Variants in FBN1 observed in about 807,000 individuals in gnomAD.
FBN1 encodes the protein fibrillin 1.
Under a neutral mutation model 365.1 loss-of-function variants are expected in FBN1, and 29 were observed. The observed-to-expected ratio is 0.08, with a 90% CI of 0.06 to 0.11. The LOEUF (loss-of-function observed/expected upper bound fraction) is 0.11, where lower values mean the gene tolerates loss of function less well. FBN1 is among the 10% of genes least tolerant of loss of function. The pLI, the probability that FBN1 is intolerant of heterozygous loss-of-function variation, is 1.00. For missense variants in FBN1, 2,476 were observed against 3,703.2 expected, an observed-to-expected ratio of 0.67 and a Z score of 8.60; for synonymous variants, 1,210 against 1,270.5, an observed-to-expected ratio of 0.95 and a Z score of 1.01.
At chr15:48,522,280 T>A (rs1396642840) in intron 9 of FBN1, among the ~76,000 whole-genome samples, 1 of 152,064 alleles carries the variant, frequency 6.6e-6, no homozygotes, top group East Asian at 1.9e-4. Context: ...ATTAATTAAT[T>A]TAATACACTT....
At chr15:48,538,096 A>G (rs1389253469) in intron 6 of FBN1, among the ~76,000 whole-genome samples, 2 of 152,244 alleles carry the variant, frequency 1.3e-5, no homozygotes, top group Non-Finnish European at 2.9e-5. Context: ...GTGAATTGCT[A>G]TACAAATGTA....
At chr15:48,506,921 T>G (rs1423242833) in intron 15 of FBN1, among the ~76,000 whole-genome samples, 1 of 149,550 alleles carries the variant, frequency 6.7e-6, no homozygotes. Flanking sequence ...GCTGTGGAGC[T>G]CTCTCTCTCT....
intron 6 of FBN1, among the ~76,000 whole-genome samples, chr15:48,559,608 T>C (rs1293678130): frequency 1.3e-5 from 2 of 152,014 alleles, no homozygotes; most frequent in Admixed American, 6.6e-5. Flanking sequence ...AAGGAAACAG[T>C]GTAAATTCCC....
chr15:48,628,670 C>T (rs562537545), intron 2 of FBN1, among the ~76,000 whole-genome samples: 1 of 152,208 alleles, frequency 6.6e-6, no homozygotes, highest in Non-Finnish European at 1.5e-5. Context: ...AAAAATCAGA[C>T]CCAGCATATT....
intron 63 of FBN1, 32 bp from the exon 64 acceptor site, chr15:48,415,799 C>T (rs1339055470): frequency 1.3e-6 from 2 of 1,566,764 alleles, no homozygotes; most frequent in Admixed American, 1.7e-5. Context: ...GCATGTGTGG[C>T]AGCAGCCAGA....
At chr15:48,570,297 G>C (rs534775248) in intron 6 of FBN1, among the ~76,000 whole-genome samples, 5 of 152,124 alleles carry the variant, frequency 3.3e-5, no homozygotes, top group African/African-American at 9.6e-5. Flanking sequence ...TCAAACCTGC[G>C]GTTATGACCT....
chr15:48,524,422 T>C (rs1333874137), intron 9 of FBN1, among the ~76,000 whole-genome samples: 2 of 152,218 alleles, frequency 1.3e-5, no homozygotes, highest in Non-Finnish European at 2.9e-5. Context: ...GATTTGTTTA[T>C]ACTGTCAGGG....
intron 2 of FBN1, among the ~76,000 whole-genome samples, chr15:48,630,745 A>AG (rs896726282): frequency 1.7e-4 from 26 of 151,044 alleles, no homozygotes; most frequent in African/African-American, 5.8e-4. Flanking sequence ...AAAAAAAAAA[A>AG]AAAAAGAAAA....
At chr15:48,622,274 AT>A (rs1889783884) in intron 2 of FBN1, among the ~76,000 whole-genome samples, 2 of 152,186 alleles carry the variant, frequency 1.3e-5, no homozygotes, top group Admixed American at 1.3e-4. Context: ...ACACAGGCAC[AT>A]ACACAAAGAT....
chr15:48,453,218 T>C (rs1395928319), intron 44 of FBN1, among the ~76,000 whole-genome samples: 1 of 147,328 alleles, frequency 6.8e-6, no homozygotes, highest in Non-Finnish European at 1.5e-5. Flanking sequence ...ATCATGCCAT[T>C]GCATTCCAGC....
intron 2 of FBN1, among the ~76,000 whole-genome samples, chr15:48,619,701 AT>A (rs953928387): frequency 7.9e-4 from 116 of 146,700 alleles, no homozygotes; most frequent in Middle Eastern, 3.5e-3. Context: ...CTGTTCAACA[AT>A]TTTTTTTTTT....
At chr15:48,419,064 T>G (rs1376865718) in intron 63 of FBN1, among the ~76,000 whole-genome samples, 1 of 152,160 alleles carries the variant, frequency 6.6e-6, no homozygotes, top group Non-Finnish European at 1.5e-5. Context: ...GTCTAAGAGA[T>G]CTGCTCTGTT....
At chr15:48,540,509 T>C (rs1462940621) in intron 6 of FBN1, among the ~76,000 whole-genome samples, 3 of 152,210 alleles carry the variant, frequency 2.0e-5, no homozygotes, top group African/African-American at 7.2e-5. Flanking sequence ...CATCAAGTTA[T>C]AACAGAATGT....
rs748672558 is a variant in FBN1, at chr15:48,526,264, T to TA, written c.863-10dup. ...GCTGCATTCATCAATATCTGGAATA[T>TA]AAAAAAAAGAATCTCAGCATTTGTA... On this transcript the variant is annotated splice_polypyrimidine_tract_variant and intron_variant, in intron 8 of 65. Coordinates refer to ENST00000316623, the MANE Select transcript of FBN1 (RefSeq NM_000138.5). 4.3e-6 allele frequency: 7 copies of TA among 1,612,862 alleles called. No homozygotes were observed. Among genetic ancestry groups the TA allele is most frequent in the South Asian group, 1.1e-5 (1 of 91,034 alleles).
intron 37 of FBN1, 98 bp downstream of exon 37, chr15:48,468,314 A>G: frequency 1.4e-6 from 2 of 1,475,750 alleles, no homozygotes; most frequent in East Asian, 2.3e-5. Context: ...AAATTTCTGT[A>G]TCATTCATTT....
intron 6 of FBN1, among the ~76,000 whole-genome samples, chr15:48,560,107 T>C (rs909132569): frequency 2.0e-5 from 3 of 152,156 alleles, no homozygotes; most frequent in Admixed American, 6.5e-5. Flanking sequence ...ACCCTGGGTA[T>C]TGGCAGAGGT....
rs760195178 is a variant in FBN1 at position 48,465,554 on chromosome 15, C to T, written c.4942+14G>A. On this transcript the variant is annotated intron_variant, in intron 40 of 65. Coordinates refer to ENST00000316623, the MANE Select transcript of FBN1 (RefSeq NM_000138.5). The stretch of plus-strand genomic sequence containing the variant: ...ATATCTGCAAGACCTTATCATCCTA[C>T]CAGGACCATTTACCATCACACACTC... 6.2e-7 allele frequency: 1 copy of T among 1,613,854 alleles called. No homozygotes were observed. Among genetic ancestry groups the T allele is most frequent in the South Asian group, 1.1e-5 (1 of 91,074 alleles).
rs1277977321 is a variant in FBN1, at chr15:48,437,007, G to T, written c.6450C>A (p.Arg2150=). ...GAATATAACCAAAGGGACACTCGCA[G>T]CGATAGGAACCATCTGTATTGATGC... is the stretch of plus-strand genomic sequence containing the variant. ...GQCINTDGSY[R]CECPFGYILA... is the part of the protein sequence containing the mutation. The change falls in exon 53 of 66, where the codon CGC becomes CGA. Residue 2150 remains arginine, a synonymous_variant. Transcript: ENST00000316623. 1 of 1,613,034 alleles carries T rather than the reference G, an allele frequency of 6.2e-7. No individual in the cohort carries two copies. Among genetic ancestry groups the T allele is most frequent in the Admixed American group, 1.7e-5 (1 of 59,942 alleles).
At chr15:48,508,392 T>C (rs1004362202) in intron 15 of FBN1, among the ~76,000 whole-genome samples, 190 bp downstream of exon 15, 4 of 152,214 alleles carry the variant, frequency 2.6e-5, no homozygotes, top group East Asian at 1.9e-4. Context: ...GAAATAACAA[T>C]AGTCTTCTGG....
Sources: allele counts gnomAD v4.1 joint callset (sites outside exome capture counted in the v4.1 genomes callset), GRCh38; gene constraint gnomAD v4.1.1; transcripts MANE v1.5; gene names NCBI Gene and HGNC (gene_info 2026-07-23, HGNC 2026-07-21).